Variants in PPARGC1A observed in about 807,000 individuals in gnomAD.
The protein encoded by PPARGC1A is PPARG coactivator 1 alpha.
Under a neutral mutation model 88.7 loss-of-function variants are expected in PPARGC1A, and 25 were observed. That is an observed-to-expected ratio of 0.28 (90% confidence interval 0.21 to 0.39). The LOEUF (loss-of-function observed/expected upper bound fraction) is 0.39, where lower values mean the gene tolerates loss of function less well. PPARGC1A is among the 10% of genes least tolerant of loss of function. The probability of loss-of-function intolerance (pLI) is 1.00; values close to 1 mark genes in which losing one functional copy is unlikely to be tolerated. For synonymous variants in PPARGC1A, 363 were observed against 355.6 expected, an observed-to-expected ratio of 1.02 and a Z score of -0.24; for missense variants, 880 against 968.7, an observed-to-expected ratio of 0.91 and a Z score of 1.22.
chr4:24,006,916 G>A, the PPARGC1A span, among the ~76,000 whole-genome samples: 1 of 152,138 alleles, frequency 6.6e-6, no homozygotes, highest in Non-Finnish European at 1.5e-5. Context: ...TGACTGTCAA[G>A]TTAGCTTATT....
chr4:24,348,804 T>C, the PPARGC1A span, among the ~76,000 whole-genome samples: 3 of 152,234 alleles, frequency 2.0e-5, no homozygotes, highest in African/African-American at 4.8e-5. Context: ...AAATTCTTTT[T>C]CAGGAAATCA....
At chr4:23,888,901 C>G (rs1236032994) in intron 1 of PPARGC1A, 2 of 976,824 alleles carry the variant, frequency 2.0e-6, no homozygotes, top group Non-Finnish European at 2.4e-6. Context: ...TTGTTAGCAG[C>G]TGGGATCCTC....
the PPARGC1A span, among the ~76,000 whole-genome samples, chr4:24,242,722 C>A: frequency 6.6e-6 from 1 of 152,150 alleles, no homozygotes; most frequent in Non-Finnish European, 1.5e-5. Context: ...GCCCCTGAAA[C>A]CCTGCTGAGT....
chr4:24,178,465 C>A, the PPARGC1A span, among the ~76,000 whole-genome samples: 1 of 152,130 alleles, frequency 6.6e-6, no homozygotes, highest in African/African-American at 2.4e-5. Flanking sequence ...CAAATCTTTT[C>A]TTGGAAGAGC....
At chr4:24,319,035 A>C in the PPARGC1A span, among the ~76,000 whole-genome samples, 5 of 152,312 alleles carry the variant, frequency 3.3e-5, no homozygotes, top group Middle Eastern at 3.4e-3. Context: ...GCAGAAAAGA[A>C]ACAAGAAGAG....
intron 2 of PPARGC1A, among the ~76,000 whole-genome samples, chr4:23,832,673 G>A (rs572915265): frequency 6.0e-4 from 90 of 148,776 alleles, no homozygotes; most frequent in South Asian, 1.5e-3. Flanking sequence ...GCAGTGGCGC[G>A]ATCTCGGCTC....
chr4:24,357,839 G>T, the PPARGC1A span, among the ~76,000 whole-genome samples: 1 of 152,114 alleles, frequency 6.6e-6, no homozygotes, highest in Non-Finnish European at 1.5e-5. Context: ...CATGTCTTTT[G>T]TCTTCCACCA....
chr4:24,080,805 C>A, the PPARGC1A span, among the ~76,000 whole-genome samples: 2 of 152,080 alleles, frequency 1.3e-5, no homozygotes, highest in Non-Finnish European at 2.9e-5. Flanking sequence ...TAGTCAATGA[C>A]AATGCAGGAT....
chr4:23,868,643 GA>G (rs905440531), intron 2 of PPARGC1A, among the ~76,000 whole-genome samples: 1 of 152,156 alleles, frequency 6.6e-6, no homozygotes, highest in Non-Finnish European at 1.5e-5. Flanking sequence ...AGGCCTTAAC[GA>G]AAGAAAAAGA....
At chr4:23,855,070 C>A (rs1729961532) in intron 2 of PPARGC1A, among the ~76,000 whole-genome samples, 1 of 152,120 alleles carries the variant, frequency 6.6e-6, no homozygotes, top group Non-Finnish European at 1.5e-5. Context: ...GAGTAAGTCT[C>A]ATGAGATCGA....
the PPARGC1A span, among the ~76,000 whole-genome samples, chr4:24,286,471 A>C: frequency 2.0e-5 from 3 of 152,218 alleles, no homozygotes; most frequent in Non-Finnish European, 2.9e-5. Flanking sequence ...GGCTCCCAAG[A>C]GAAGTTTACC....
At chr4:24,098,693 A>C in the PPARGC1A span, among the ~76,000 whole-genome samples, 2 of 152,222 alleles carry the variant, frequency 1.3e-5, no homozygotes, top group African/African-American at 4.8e-5. Context: ...TAATTACTGC[A>C]TGGCATTACT....
At chr4:24,401,312 C>T in the PPARGC1A span, among the ~76,000 whole-genome samples, 1,442 of 152,148 alleles carry the variant, frequency 9.5e-3, 26 homozygotes, top group African/African-American at 0.033. Context: ...GCCACTGCGC[C>T]CGGCCATACC....
chr4:24,124,120 CA>C, the PPARGC1A span, among the ~76,000 whole-genome samples: 12 of 152,162 alleles, frequency 7.9e-5, no homozygotes, highest in East Asian at 2.3e-3. Flanking sequence ...ATACCACCTT[CA>C]AAAACCAAAC....
the PPARGC1A span, among the ~76,000 whole-genome samples, chr4:24,203,149 AGG>A: frequency 5.3e-5 from 8 of 152,238 alleles, no homozygotes; most frequent in Non-Finnish European, 7.3e-5. Flanking sequence ...ACACAGGGAA[AGG>A]TGAGGAGTGT....
the PPARGC1A span, among the ~76,000 whole-genome samples, chr4:24,288,168 G>A: frequency 6.6e-6 from 1 of 152,138 alleles, no homozygotes; most frequent in Non-Finnish European, 1.5e-5. Flanking sequence ...AATTACAGGA[G>A]CCTGTGCAAT....
At chr4:23,822,492 T>C (rs1723180994) in intron 7 of PPARGC1A, among the ~76,000 whole-genome samples, 1 of 152,116 alleles carries the variant, frequency 6.6e-6, no homozygotes, top group Non-Finnish European at 1.5e-5. Flanking sequence ...TAAAAAACTC[T>C]TTTGGCCAAT....
chr4:23,969,173 A>G, the PPARGC1A span, among the ~76,000 whole-genome samples: 384 of 152,282 alleles, frequency 2.5e-3, 1 homozygote, highest in Non-Finnish European at 4.3e-3. Context: ...TCTAAGATTC[A>G]AGTCTTATGG....
rs1417051206 is a variant in PPARGC1A at position 23,828,263 on chromosome 4, TA to T, written c.757+136del. The T allele has an allele frequency of 2.7e-5, 24 of 892,992 alleles. No individual in the cohort carries two copies. The East Asian group carries it at 5.7e-4, about 21-fold the overall frequency. 55.3% of individuals were successfully genotyped at this position (892,992 alleles called of 1,614,324 possible). A position where few individuals can be genotyped will look rare whatever the true frequency, so the allele number is the denominator to read the frequency against. Reference sequence around the variant, plus strand: ...AGGAAAGGTTTCTTCCCCCGCTCTGTAATAAGTGCTGAATTCTCTTTCCACA... The same window carrying T: ...AGGAAAGGTTTCTTCCCCCGCTCTGTATAAGTGCTGAATTCTCTTTCCACA... On this transcript the variant is annotated intron_variant, in intron 5 of 12. Transcript: ENST00000264867.
Sources: allele counts gnomAD v4.1 joint callset (sites outside exome capture counted in the v4.1 genomes callset), GRCh38; gene constraint gnomAD v4.1.1; transcripts MANE v1.5; gene names NCBI Gene and HGNC (gene_info 2026-07-23, HGNC 2026-07-21).